TENM3: variants seen among roughly 807,000 people sequenced by gnomAD.
TENM3 encodes teneurin-3.
A neutral mutation model predicts 255.1 loss-of-function variants in TENM3; 63 were observed. The ratio of observed to expected loss-of-function variants is 0.25; its 90% CI spans 0.20 to 0.30. The LOEUF (loss-of-function observed/expected upper bound fraction) is 0.30. TENM3 is among the 10% of genes least tolerant of loss of function. TENM3 has a pLI of 1.00. For synonymous variants in TENM3, 1,306 were observed against 1,322.3 expected (o/e 0.99, Z 0.27); for missense variants, 2,929 against 3,461.1 (o/e 0.85, Z 3.86).
At chr4:182,438,986 A>C (rs1326685213) in intron 3 of TENM3, among the ~76,000 whole-genome samples, 1 of 152,214 alleles carries the variant, frequency 6.6e-6, no homozygotes. Flanking sequence ...TGGATGGTCC[A>C]GTGTCAAAAT....
At chr4:182,363,529 C>T (rs991094028) in intron 3 of TENM3, among the ~76,000 whole-genome samples, 4 of 151,616 alleles carry the variant, frequency 2.6e-5, no homozygotes, top group African/African-American at 9.7e-5. Flanking sequence ...TAGCAATGTT[C>T]TTTTGCTTAA....
the TENM3 span, among the ~76,000 whole-genome samples, chr4:181,533,571 G>C: frequency 6.6e-6 from 1 of 151,988 alleles, no homozygotes; most frequent in African/African-American, 2.4e-5. Flanking sequence ...TTGGGCATAC[G>C]ATCTTCCACT....
the TENM3 span, among the ~76,000 whole-genome samples, chr4:182,027,418 A>G: frequency 6.6e-6 from 1 of 152,150 alleles, no homozygotes; most frequent in Admixed American, 6.5e-5. Flanking sequence ...ATCATCCGCA[A>G]ACAAGGATAA....
At chr4:181,512,964 T>G in the TENM3 span, among the ~76,000 whole-genome samples, 1 of 152,228 alleles carries the variant, frequency 6.6e-6, no homozygotes, top group Non-Finnish European at 1.5e-5. Flanking sequence ...AATTGTTTTT[T>G]TAGAACAAGC....
the TENM3 span, among the ~76,000 whole-genome samples, chr4:181,556,169 G>A: frequency 0.011 from 1,730 of 152,240 alleles, 41 homozygotes; most frequent in African/African-American, 0.039. Flanking sequence ...TAATCCAAGG[G>A]AAATTTATAC....
At chr4:182,567,202 G>A (rs1277890422) in intron 3 of TENM3, among the ~76,000 whole-genome samples, 1 of 152,114 alleles carries the variant, frequency 6.6e-6, no homozygotes, top group Non-Finnish European at 1.5e-5. Context: ...AAGATTTTTA[G>A]TCCATTGTCT....
chr4:182,460,295 A>C (rs1056162133), intron 3 of TENM3, among the ~76,000 whole-genome samples: 1 of 152,174 alleles, frequency 6.6e-6, no homozygotes, highest in African/African-American at 2.4e-5. Flanking sequence ...TTCTATGTAT[A>C]TTAGACTTAT....
chr4:181,474,305 T>C, the TENM3 span, among the ~76,000 whole-genome samples: 4,180 of 152,200 alleles, frequency 0.027, 324 homozygotes, highest in East Asian at 0.23. Context: ...CCCCCAGAAC[T>C]TAAAGTATGA....
chr4:182,636,687 A>G (rs1751869984), intron 5 of TENM3, among the ~76,000 whole-genome samples: 1 of 151,660 alleles, frequency 6.6e-6, no homozygotes, highest in Non-Finnish European at 1.5e-5. Flanking sequence ...ACCGTACTCC[A>G]GCCTGGGCAA....
chr4:182,357,434 A>G (rs1429299911), intron 3 of TENM3, among the ~76,000 whole-genome samples: 2 of 152,180 alleles, frequency 1.3e-5, no homozygotes, highest in Non-Finnish European at 2.9e-5. Flanking sequence ...ATGACATCTC[A>G]CTGTGGTTTT....
chr4:182,432,464 T>C (rs1464758808), intron 3 of TENM3, among the ~76,000 whole-genome samples: 1 of 152,250 alleles, frequency 6.6e-6, no homozygotes, highest in African/African-American at 2.4e-5. Context: ...AAACCAATCA[T>C]GCTTAACAAT....
intron 1 of TENM3, among the ~76,000 whole-genome samples, chr4:182,226,162 G>A (rs1339119299): frequency 6.6e-6 from 1 of 152,166 alleles, no homozygotes; most frequent in African/African-American, 2.4e-5. Context: ...GAAAAGCTGG[G>A]TGGGGTGTCC....
the TENM3 span, among the ~76,000 whole-genome samples, chr4:181,822,142 A>C: frequency 2.0e-4 from 30 of 152,128 alleles, no homozygotes; most frequent in African/African-American, 7.2e-4. Context: ...ATCTTAGGAG[A>C]TCTTTCTCCC....
chr4:182,208,125 C>T (rs909963185), intron 1 of TENM3, among the ~76,000 whole-genome samples: 1 of 152,176 alleles, frequency 6.6e-6, no homozygotes, highest in Non-Finnish European at 1.5e-5. Context: ...TAATGTCCAA[C>T]ATGCCTTTTT....
intron 5 of TENM3, among the ~76,000 whole-genome samples, chr4:182,646,577 A>G (rs973259349): frequency 1.3e-5 from 2 of 152,080 alleles, no homozygotes; most frequent in Admixed American, 1.3e-4. Context: ...CCCCGTCTCT[A>G]CTAAAAATAG....
chr4:181,761,012 A>ACACC, the TENM3 span, among the ~76,000 whole-genome samples: 3 of 148,704 alleles, frequency 2.0e-5, no homozygotes, highest in African/African-American at 7.4e-5. Flanking sequence ...ACACACACAC[A>ACACC]CCCCGAATAA....
chr4:182,702,942 T>C (rs1304246655), intron 12 of TENM3, among the ~76,000 whole-genome samples: 1 of 151,996 alleles, frequency 6.6e-6, no homozygotes, highest in Admixed American at 6.6e-5. Flanking sequence ...TTCACCATGT[T>C]AGCCAGGATG....
upstream of TENM3, chr4:182,141,121 G>C (rs1749385177): frequency 6.6e-6 from 1 of 152,294 alleles, no homozygotes; most frequent in Non-Finnish European, 1.5e-5. Flanking sequence ...GGCAAGAGGG[G>C]CCCACGGGAG....
the TENM3 span, among the ~76,000 whole-genome samples, chr4:181,797,810 C>T: frequency 1.1e-4 from 16 of 152,156 alleles, no homozygotes; most frequent in Non-Finnish European, 2.4e-4. Context: ...CTGGCACAAC[C>T]TTAACGTCGC....
Sources: gnomAD v4.1 joint callset for allele counts (sites outside exome capture counted in the v4.1 genomes callset) on GRCh38, gnomAD v4.1.1 for gene constraint, MANE v1.5 for transcripts, NCBI Gene and HGNC (gene_info 2026-07-23, HGNC 2026-07-21) for gene names.